The following EWSR1 variants were observed in gnomAD, a reference collection of about 807,000 sequenced individuals.
EWSR1 encodes RNA-binding protein EWS.
Under a neutral mutation model 92.1 loss-of-function variants are expected in EWSR1, and 14 were observed. That is an observed-to-expected ratio of 0.15 (90% CI 0.10 to 0.24). EWSR1 has a LOEUF of 0.24. Ranked by LOEUF, EWSR1 falls within the 10% of genes least tolerant of loss-of-function variation. EWSR1 has a pLI of 1.00. For synonymous variants in EWSR1, 303 were observed against 292.9 expected (o/e 1.03, Z -0.35); for missense variants, 637 against 870.9 (o/e 0.73, Z 3.38).
Position 29,297,880 on chromosome 22 carries a change from C to T in EWSR1, c.1348C>T (p.Pro450Ser), listed in dbSNP as rs1243278995. The T allele has an allele frequency of 4.3e-6, 7 of 1,614,082 alleles. No individual in the cohort carries two copies. Among genetic ancestry groups the T allele is most frequent in the Non-Finnish European group, 5.9e-6 (7 of 1,180,002 alleles). The change falls in exon 13 of 17, where the codon CCA (proline) becomes TCA (serine). Residue 450 changes from proline to serine, a missense_variant. Transcript: ENST00000397938. ...LKVSLARKKP[P>S]MNSMRGGLPP... ...AGTCTCCCTTGCTCGGAAGAAGCCT[C>T]CAATGAACAGTATGCGGGGTGGTCT...
At chr22:29,280,674 G>GTTT (rs1005931943) in intron 5 of EWSR1, among the ~76,000 whole-genome samples, 17 of 134,968 alleles carry the variant, frequency 1.3e-4, no homozygotes, top group Non-Finnish European at 2.1e-4. Context: ...GGTTTGGTTG[G>GTTT]TTTTTTTTTT....
At chr22:29,275,654 T>C (rs1469094465) in intron 4 of EWSR1, 1 of 229,448 alleles carries the variant, frequency 4.4e-6, no homozygotes, top group Non-Finnish European at 8.6e-6. Flanking sequence ...CATTTTTCCT[T>C]ACCTCATACT....
At chr22:29,289,809 T>G (rs1369026420) in intron 8 of EWSR1, 1 of 231,608 alleles carries the variant, frequency 4.3e-6, no homozygotes, top group African/African-American at 2.2e-5. Context: ...ATTTTGCATA[T>G]TCTGCATAAC....
At chr22:29,295,664 G>C (rs538645693) in intron 11 of EWSR1, 10 of 223,168 alleles carry the variant, frequency 4.5e-5, no homozygotes, top group Non-Finnish European at 8.9e-5. Flanking sequence ...AACTGATCGT[G>C]TGCATATATA....
At chr22:29,268,836 T>G (rs928156494) in intron 1 of EWSR1, among the ~76,000 whole-genome samples, 2 of 152,232 alleles carry the variant, frequency 1.3e-5, no homozygotes, top group African/African-American at 2.4e-5. Context: ...CGTGGATTTG[T>G]GGGCCGAGGG....
At chr22:29,271,306 T>C (rs1347114298) in intron 1 of EWSR1, among the ~76,000 whole-genome samples, 1 of 152,250 alleles carries the variant, frequency 6.6e-6, no homozygotes, top group East Asian at 1.9e-4. Context: ...CTAACTTTAA[T>C]GCAGTAGCGC....
intron 10 of EWSR1, 55 bp downstream of exon 10, chr22:29,292,224 G>C: frequency 6.6e-7 from 1 of 1,522,980 alleles, no homozygotes. Context: ...TAATGGTACA[G>C]AGGTAAATGC....
chr22:29,298,361 C>T (rs1015560397), intron 13 of EWSR1, among the ~76,000 whole-genome samples: 1 of 152,132 alleles, frequency 6.6e-6, no homozygotes, highest in Admixed American at 6.5e-5. Flanking sequence ...CAAAAATTAG[C>T]CGGGTATGGT....
intron 1 of EWSR1, chr22:29,269,195 C>G (rs914091713): frequency 1.3e-5 from 2 of 152,190 alleles, no homozygotes; most frequent in African/African-American, 4.8e-5. Flanking sequence ...TCTCTCTGAC[C>G]TAGGAGGAAC....
chr22:29,275,740 T>C, intron 4 of EWSR1: 2 of 229,050 alleles, frequency 8.7e-6, no homozygotes, highest in Non-Finnish European at 1.7e-5. Flanking sequence ...CTAGGATTTT[T>C]AAAAATTAAA....
At chr22:29,268,550 G>A (rs1448432923) in intron 1 of EWSR1, among the ~76,000 whole-genome samples, 6 of 152,178 alleles carry the variant, frequency 3.9e-5, no homozygotes, top group Admixed American at 3.3e-4. Context: ...ATCTTCCGGC[G>A]CCCGTGGCGC....
Position 29,283,573 on chromosome 22 carries a change from T to TGGAGTGCA in EWSR1, c.581+1017_581+1024dup, listed in dbSNP as rs1362714167. On this transcript the variant is annotated intron_variant, in intron 6 of 16. Coordinates refer to ENST00000397938, the MANE Select transcript of EWSR1 (RefSeq NM_005243.4). ...GGAGTTTCGCTCTTGTTGCCCAGGC[T>TGGAGTGCA]GGAGTGCAATGGCACAATCTCGGCT... Among the ~76,000 whole-genome samples, 13 of 151,464 alleles carry TGGAGTGCA rather than the reference T, an allele frequency of 8.6e-5. 2 individuals carry two copies. Among genetic ancestry groups the TGGAGTGCA allele is most frequent in the African/African-American group, 2.9e-4 (12 of 40,724 alleles).
Position 29,287,057 on chromosome 22 carries a change from G to C in EWSR1, c.716G>C (p.Ser239Thr). Residue 239 changes from serine (S) to threonine (T), a missense_variant, in exon 7 of 17, where the codon AGT becomes ACT. By Grantham distance (58) the Ser-to-Thr change is moderately conservative. Around this residue, in one of 5 missense-constraint regions of EWSR1, gnomAD observed 116 missense variants for 167.8 expected, o/e 0.69. Transcript: ENST00000397938. ...QSSYGQQPPT[S>T]YPPQTGSYSQ... is the part of the protein sequence containing the mutation. ...AGCTATGGGCAGCAGCCTCCCACTA[G>C]TTACCCACCCCAAACTGGATCCTAC... The C allele has an allele frequency of 6.2e-7, 1 of 1,613,912 alleles. No individual in the cohort carries two copies. The highest frequency in any genetic ancestry group is 8.5e-7 in the Non-Finnish European group (1 of 1,179,902).
chr22:29,275,483 T>C (rs551528744), intron 4 of EWSR1: 3 of 216,540 alleles, frequency 1.4e-5, no homozygotes, highest in Admixed American at 5.8e-5. Flanking sequence ...ATAATGTTTG[T>C]ATAAAATTCA....
intron 7 of EWSR1, among the ~76,000 whole-genome samples, chr22:29,288,007 T>C (rs2060177336): frequency 6.6e-6 from 1 of 152,148 alleles, no homozygotes; most frequent in African/African-American, 2.4e-5. Context: ...TGAGACCCTG[T>C]CTTTTTAAAG....
chr22:29,290,113 A>AG lies in EWSR1; in HGVS notation c.974+1332dup, dbSNP rs1399848010. 1.4e-5 allele frequency: 4 copies of AG among 285,748 alleles called. No individual in the cohort carries two copies. The East Asian group carries it at 2.1e-4, about 15-fold the overall frequency. The allele number at this position is 285,748 out of a possible 1,614,324, so 17.7% of individuals were successfully genotyped here. The stretch of plus-strand genomic sequence containing the variant: ...TAATTGTGCTAGACTTTGCTAGTAG[A>AG]GGGGGCCCCTCTTTCTGGATGAGAA... On this transcript the variant is annotated intron_variant, in intron 8 of 16. Transcript: ENST00000397938.
At chr22:29,284,076 C>T (rs1349616389) in intron 6 of EWSR1, among the ~76,000 whole-genome samples, 3 of 151,292 alleles carry the variant, frequency 2.0e-5, no homozygotes, top group East Asian at 1.9e-4. Flanking sequence ...TCAGGTGATC[C>T]GCCTGCCTCG....
intron 1 of EWSR1, among the ~76,000 whole-genome samples, chr22:29,270,607 T>G (rs2058595111): frequency 1.3e-5 from 2 of 152,238 alleles, no homozygotes; most frequent in African/African-American, 2.4e-5. Context: ...GGTCATTGGT[T>G]GTTCCATATC....
chr22:29,287,476 G>A (rs2060133270), intron 7 of EWSR1, among the ~76,000 whole-genome samples: 2 of 152,162 alleles, frequency 1.3e-5, no homozygotes, highest in South Asian at 4.1e-4. Context: ...CCAGAGTGTT[G>A]GGATTACAGT....
Sources: gnomAD v4.1 joint callset for allele counts (sites outside exome capture counted in the v4.1 genomes callset) on GRCh38, gnomAD v4.1.1 for gene constraint, gnomAD v4.1.1 regional missense constraint, MANE v1.5 for transcripts, NCBI Gene and HGNC (gene_info 2026-07-23, HGNC 2026-07-21) for gene names.